The following TANGO6 variants were observed in gnomAD, a reference collection of about 807,000 sequenced individuals.
TANGO6 encodes transport and golgi organization 6 homolog.
Under a neutral mutation model 114.2 loss-of-function variants are expected in TANGO6, and 90 were observed. That is an observed-to-expected ratio of 0.79 (90% CI 0.66 to 0.94). The LOEUF is 0.94. TANGO6 is among the 40% of genes least tolerant of loss of function. TANGO6 has a pLI of 0.00. For synonymous variants in TANGO6, 477 were observed against 509.8 expected, an observed-to-expected ratio of 0.94 and a Z score of 0.87; for missense variants, 1,274 against 1,315.3, an observed-to-expected ratio of 0.97 and a Z score of 0.49.
intron 17 of TANGO6, among the ~76,000 whole-genome samples, chr16:69,062,519 C>T (rs182001995): frequency 0.014 from 2,200 of 152,052 alleles, 55 homozygotes; most frequent in South Asian, 0.1. Context: ...GTCACCCAGG[C>T]TGGAGTGCAG....
At chr16:68,950,360 G>A (rs1259633500) in intron 14 of TANGO6, among the ~76,000 whole-genome samples, 1 of 152,138 alleles carries the variant, frequency 6.6e-6, no homozygotes, top group Middle Eastern at 3.2e-3. Context: ...GAGGTCAGGA[G>A]TTTGAAACCA....
At chr16:69,034,862 T>G (rs1959660991) in intron 16 of TANGO6, 1 of 151,858 alleles carries the variant, frequency 6.6e-6, no homozygotes, top group Non-Finnish European at 1.5e-5. Context: ...CATTCTTTTT[T>G]TTTTCTTTTT....
chr16:68,989,175 T>C (rs1432248738), intron 15 of TANGO6, among the ~76,000 whole-genome samples: 1 of 152,174 alleles, frequency 6.6e-6, no homozygotes, highest in African/African-American at 2.4e-5. Context: ...TGATTCTTAA[T>C]CTCCATTTTT....
At chr16:68,937,719 T>G (rs1371747648) in intron 14 of TANGO6, 2 of 152,198 alleles carry the variant, frequency 1.3e-5, no homozygotes, top group Non-Finnish European at 2.9e-5. Context: ...ATGACTTCAT[T>G]CCTTTTTATG....
At chr16:69,024,083 G>A (rs556168791) in intron 16 of TANGO6, among the ~76,000 whole-genome samples, 10 of 151,592 alleles carry the variant, frequency 6.6e-5, no homozygotes, top group Non-Finnish European at 1.3e-4. Flanking sequence ...TGTATTTTTA[G>A]TATAGACAGA....
intron 14 of TANGO6, among the ~76,000 whole-genome samples, chr16:68,936,750 T>C (rs1012960605): frequency 2.0e-5 from 3 of 151,982 alleles, no homozygotes; most frequent in African/African-American, 4.8e-5. Context: ...AAGTGGTCCC[T>C]CTCAGTGTCA....
In TANGO6 at chr16:69,022,932, G is replaced by A. The variant is rs1002256257; in HGVS notation, c.2947G>A (p.Glu983Lys). The A allele has an allele frequency of 1.2e-6, 2 of 1,605,834 alleles. No homozygotes were observed. Among genetic ancestry groups the A allele is most frequent in the Non-Finnish European group, 1.7e-6 (2 of 1,176,390 alleles). The change falls in exon 16 of 18, where the codon GAG becomes AAG. Residue 983 changes from glutamate to lysine, a missense_variant. By Grantham distance (56) the Glu-to-Lys change is moderately conservative (BLOSUM62 1). This residue lies in a region of TANGO6 where 238 missense variants were observed against 252.9 expected (regional missense o/e 0.94). Transcript: ENST00000261778. ...GGCCAGCAGCTTGGCCAACCTTGGG[G>A]AGCTGTGCCAGAGGCTGGACTTTCT... ...HRASSLANLG[E>K]LCQRLDFLLG... is the part of the protein sequence containing the mutation.
chr16:69,010,677 C>T (rs1436545013), intron 15 of TANGO6, among the ~76,000 whole-genome samples: 2 of 152,116 alleles, frequency 1.3e-5, no homozygotes, highest in African/African-American at 4.8e-5. Context: ...GAAATCTTCC[C>T]CAAGAAGAAT....
At chr16:68,954,006 G>C (rs981745302) in intron 14 of TANGO6, among the ~76,000 whole-genome samples, 1 of 151,962 alleles carries the variant, frequency 6.6e-6, no homozygotes, top group Non-Finnish European at 1.5e-5. Flanking sequence ...TTCGGAGGCC[G>C]AGGTGGGCGG....
intron 4 of TANGO6, among the ~76,000 whole-genome samples, chr16:68,872,470 T>C (rs1169861025): frequency 1.4e-5 from 2 of 148,112 alleles, no homozygotes; most frequent in African/African-American, 2.5e-5. Context: ...CCCAGCTAAT[T>C]TTTGTATTTT....
Position 68,909,303 on chromosome 16 carries a change from T to C in TANGO6, c.1893T>C (p.Thr631=). ...TCTTGGAATTAGAGCAACATCAGAC[T>C]CTTCTTGTGGAAGGCCAAGAGCGGA... is the stretch of plus-strand genomic sequence containing the variant. ...KSLLELEQHQ[T]LLVEGQERKL... is the part of the protein sequence containing the mutation. The change falls in exon 11 of 18, where the codon ACT becomes ACC. Residue 631 remains threonine, a synonymous_variant. Coordinates refer to ENST00000261778, the MANE Select transcript of TANGO6 (RefSeq NM_024562.2). The C allele has an allele frequency of 6.2e-7, 1 of 1,611,334 alleles. No individual in the cohort carries two copies. The highest frequency in any genetic ancestry group is 8.5e-7 in the Non-Finnish European group (1 of 1,178,628).
At chr16:68,905,609 T>C (rs1962839796) in intron 9 of TANGO6, among the ~76,000 whole-genome samples, 1 of 151,984 alleles carries the variant, frequency 6.6e-6, no homozygotes, top group African/African-American at 2.4e-5. Flanking sequence ...TATCTTTGTC[T>C]CTTGTCAGAA....
At chr16:68,895,574 G>C (rs1026420349) in intron 7 of TANGO6, among the ~76,000 whole-genome samples, 1 of 152,120 alleles carries the variant, frequency 6.6e-6, no homozygotes, top group Non-Finnish European at 1.5e-5. Context: ...TATGTCACAG[G>C]CTCTAAAGTG....
At chr16:68,860,832 G>A (rs529710449) in intron 2 of TANGO6, among the ~76,000 whole-genome samples, 4 of 152,166 alleles carry the variant, frequency 2.6e-5, no homozygotes, top group East Asian at 1.9e-4. Context: ...TACCTGCCTC[G>A]GAAGGTGGTT....
intron 7 of TANGO6, among the ~76,000 whole-genome samples, chr16:68,898,627 A>G (rs1389991938): frequency 6.6e-6 from 1 of 152,116 alleles, no homozygotes; most frequent in African/African-American, 2.4e-5. Context: ...GGTGTGAGCC[A>G]TCACACTGGG....
intron 17 of TANGO6, among the ~76,000 whole-genome samples, chr16:69,063,840 T>A (rs1033552454): frequency 6.8e-6 from 1 of 146,008 alleles, no homozygotes; most frequent in East Asian, 2.0e-4. Flanking sequence ...TTATTATTAT[T>A]ATTATATTAT....
At chr16:68,906,046 G>T (rs958912960) in intron 9 of TANGO6, among the ~76,000 whole-genome samples, 1 of 151,972 alleles carries the variant, frequency 6.6e-6, no homozygotes, top group Non-Finnish European at 1.5e-5. Context: ...TGGGCATGGT[G>T]GTGGGCGCCT....
At chr16:68,973,866 C>T in intron 14 of TANGO6, 162 bp from the exon 15 acceptor site, 1 of 739,822 alleles carries the variant, frequency 1.4e-6, no homozygotes, top group Non-Finnish European at 2.2e-6. Context: ...CATCTTCGTT[C>T]CACTCACTAT....
intron 14 of TANGO6, among the ~76,000 whole-genome samples, chr16:68,965,222 C>T (rs891800122): frequency 7.2e-5 from 11 of 152,122 alleles, no homozygotes; most frequent in East Asian, 1.9e-4. Context: ...TGCAGTGGCA[C>T]GATCTCAGCT....
Sources: gnomAD v4.1 joint callset for allele counts (sites outside exome capture counted in the v4.1 genomes callset) on GRCh38, gnomAD v4.1.1 for gene constraint, gnomAD v4.1.1 regional missense constraint, MANE v1.5 for transcripts, NCBI Gene and HGNC (gene_info 2026-07-23, HGNC 2026-07-21) for gene names.